CTSB: variants seen among roughly 807,000 people sequenced by gnomAD.
The protein encoded by CTSB is APP secretase.
CTSB carries 57 observed loss-of-function variants against 44.3 expected under a neutral mutation model. The ratio of observed to expected loss-of-function variants is 1.29; its 90% confidence interval spans 1.04 to 1.60. The LOEUF (loss-of-function observed/expected upper bound fraction) is 1.60, where lower values mean the gene tolerates loss of function less well. Ranked by LOEUF, CTSB falls within the 40% of genes most tolerant of loss-of-function variation. The probability of loss-of-function intolerance (pLI) is 0.00; values close to 1 mark genes in which losing one functional copy is unlikely to be tolerated. For synonymous variants in CTSB, 320 were observed against 168.0 expected, an observed-to-expected ratio of 1.91 and a Z score of -7.00; for missense variants, 768 against 443.0, an observed-to-expected ratio of 1.73 and a Z score of -6.59.
In CTSB at chr8:11,848,060, CACTT is replaced by C. The variant is rs947535967; in HGVS notation, c.532+3_532+6del. 2 of 1,607,754 alleles carry C rather than the reference CACTT, an allele frequency of 1.2e-6. No homozygotes were observed. The highest frequency in any genetic ancestry group is 1.7e-6 in the Non-Finnish European group (2 of 1,175,574). On this transcript the variant is annotated splice_donor_5th_base_variant and intron_variant, in intron 6 of 9. Coordinates refer to ENST00000353047, the MANE Select transcript of CTSB (RefSeq NM_001908.5). ...TGGCCAGAAAGTGGCCAAGGGGACACACTTACCTACATGGGATTCATAGAGGCCA... is the reference window on the plus strand; with the variant it reads ...TGGCCAGAAAGTGGCCAAGGGGACACACCTACATGGGATTCATAGAGGCCA...
In CTSB at chr8:11,854,490, CTT is replaced by C. The variant is rs749714527; in HGVS notation, c.-25-1013_-25-1012del. Among the ~76,000 whole-genome samples, 833 of 139,548 alleles carry C rather than the reference CTT, an allele frequency of 6.0e-3. 3 individuals are homozygous for C. The highest frequency in any genetic ancestry group is 0.02 in the African/African-American group (764 of 38,202). The allele number at this position is 139,548 out of a possible 152,430, so 91.5% of individuals were successfully genotyped here. A position where few individuals can be genotyped will look rare whatever the true frequency, so the allele number is the denominator to read the frequency against. ...ACAGCAAGATGGCTCTGGAAAAAAG[CTT>C]TTTTTTTTTTTTTGAGACAGGGTCT... On this transcript the variant is annotated intron_variant, in intron 1 of 9. Transcript: ENST00000353047.
chr8:11,867,933 G>A (rs1231873573), intron 1 of CTSB, 68 bp downstream of exon 1: 1 of 152,132 alleles, frequency 6.6e-6, no homozygotes, highest in East Asian at 1.9e-4. Flanking sequence ...ACCCGTCTCG[G>A]CGGCCGGGTA....
Position 11,845,804 on chromosome 8 carries a change from A to C in CTSB, c.794-15T>G. 6.2e-7 allele frequency: 1 copy of C among 1,603,660 alleles called. No homozygotes were observed. The highest frequency in any genetic ancestry group is 8.5e-7 in the Non-Finnish European group (1 of 1,172,574). ...TTGGTACACTCCTGAAAAGGGAAGA[A>C]CTGGCTGAGACCGAGACCGGGCCAC... On this transcript the variant is annotated splice_polypyrimidine_tract_variant and intron_variant, in intron 8 of 9. Transcript: ENST00000353047.
At chr8:11,846,898 G>A (rs552859577) in intron 8 of CTSB, 154 bp downstream of exon 8, 1 of 626,794 alleles carries the variant, frequency 1.6e-6, no homozygotes, top group South Asian at 1.9e-5. Context: ...GGTCCACAGA[G>A]GAGTGAGCCT....
intron 8 of CTSB, 110 bp from the exon 9 acceptor site, chr8:11,845,899 G>A: frequency 1.5e-6 from 2 of 1,339,930 alleles, no homozygotes; most frequent in Non-Finnish European, 2.0e-6. Context: ...AGCTTCCAGA[G>A]GGAACCTGCT....
chr8:11,846,393 A>C (rs1019194022), intron 8 of CTSB: 2 of 152,358 alleles, frequency 1.3e-5, no homozygotes, highest in African/African-American at 4.8e-5. Context: ...TTCTTGCCAG[A>C]ATCATCTTCC....
intron 4 of CTSB, among the ~76,000 whole-genome samples, chr8:11,850,283 G>T (rs28689832): frequency 0.014 from 2,057 of 151,934 alleles, 36 homozygotes; most frequent in African/African-American, 0.047. Flanking sequence ...GCTGGGCGTG[G>T]TGGCACATGC....
chr8:11,847,916 G>C, intron 6 of CTSB, 94 bp from the exon 7 acceptor site: 2 of 1,452,978 alleles, frequency 1.4e-6, no homozygotes, highest in Middle Eastern at 2.1e-4. Flanking sequence ...ATGGACGCCA[G>C]GCAGGTCCTG....
intron 4 of CTSB, chr8:11,849,518 A>G (rs2740593): frequency 0.54 from 93,620 of 173,382 alleles, 25,740 homozygotes; most frequent in Non-Finnish European, 0.6. Flanking sequence ...CTCTGCCTGG[A>G]AACTGGGTTC....
At chr8:11,867,079 T>G (rs1817261321) in intron 1 of CTSB, among the ~76,000 whole-genome samples, 1 of 152,136 alleles carries the variant, frequency 6.6e-6, no homozygotes, top group Admixed American at 6.5e-5. Flanking sequence ...GTCCTTTTCT[T>G]TGCCAGCCTG....
chr8:11,854,482 G>GA (rs1409668984), intron 1 of CTSB, among the ~76,000 whole-genome samples: 8 of 150,812 alleles, frequency 5.3e-5, no homozygotes, highest in African/African-American at 9.8e-5. Context: ...GATGGCTCTG[G>GA]AAAAAAGCTT....
chr8:11,864,417 G>A (rs1816833974), intron 1 of CTSB: 2 of 151,860 alleles, frequency 1.3e-5, no homozygotes, highest in South Asian at 4.2e-4. Flanking sequence ...CTTACATCTG[G>A]GTGGCTGAGG....
intron 1 of CTSB, chr8:11,854,921 G>A (rs1815264214): frequency 6.6e-6 from 1 of 152,308 alleles, no homozygotes; most frequent in South Asian, 2.1e-4. Flanking sequence ...TTACCTAGGT[G>A]AGGCCAGAGA....
At chr8:11,860,305 G>A (rs1816225854) in intron 1 of CTSB, among the ~76,000 whole-genome samples, 1 of 151,914 alleles carries the variant, frequency 6.6e-6, no homozygotes, top group African/African-American at 2.4e-5. Flanking sequence ...TATACTGCTG[G>A]CTCCTCTCAT....
At chr8:11,863,307 A>C (rs1816683913) in intron 1 of CTSB, among the ~76,000 whole-genome samples, 1 of 152,114 alleles carries the variant, frequency 6.6e-6, no homozygotes, top group Non-Finnish European at 1.5e-5. Flanking sequence ...AAAAATACAA[A>C]AATTAGCTGG....
chr8:11,854,722 C>G (rs1036833759), intron 1 of CTSB: 1 of 152,250 alleles, frequency 6.6e-6, no homozygotes, highest in African/African-American at 2.4e-5. Flanking sequence ...CTCAGGTGAT[C>G]CACTGGCCTC....
At chr8:11,866,844 A>G (rs539888237) in intron 1 of CTSB, among the ~76,000 whole-genome samples, 1 of 152,308 alleles carries the variant, frequency 6.6e-6, no homozygotes. Context: ...TGAGAGACAG[A>G]GCCAGCCAAC....
In CTSB at chr8:11,844,561, G is replaced by A. The variant is rs1812872336; in HGVS notation, c.*564C>T. 6.5e-6 allele frequency: 1 copy of A among 152,832 alleles called. No homozygotes were observed. Among genetic ancestry groups the A allele is most frequent in the Admixed American group, 6.5e-5 (1 of 15,378 alleles). The allele number at this position is 152,832 out of a possible 1,614,324, so 9.5% of individuals were successfully genotyped here. A position where few individuals can be genotyped will look rare whatever the true frequency, so the allele number is the denominator to read the frequency against. On this transcript the variant is annotated 3_prime_UTR_variant, in exon 10 of 10. Coordinates refer to ENST00000353047, the MANE Select transcript of CTSB (RefSeq NM_001908.5). Reference sequence around the variant, plus strand: ...TTCCACTGGCTCACCCACATGATTAGCAGAGTGCACGAAAAAATAAAACTT... The same window carrying A: ...TTCCACTGGCTCACCCACATGATTAACAGAGTGCACGAAAAAATAAAACTT...
intron 8 of CTSB, among the ~76,000 whole-genome samples, 166 bp from the exon 9 acceptor site, chr8:11,845,955 T>G (rs115288531): frequency 1.1e-3 from 169 of 152,344 alleles, no homozygotes; most frequent in African/African-American, 4.0e-3. Context: ...ACTGGGGAAT[T>G]AAATATATTT....
Sources: allele counts gnomAD v4.1 joint callset (sites outside exome capture counted in the v4.1 genomes callset), GRCh38; gene constraint gnomAD v4.1.1; transcripts MANE v1.5; gene names NCBI Gene and HGNC (gene_info 2026-07-23, HGNC 2026-07-21).